STXBP5L: variants seen among roughly 807,000 people sequenced by gnomAD.
The protein encoded by STXBP5L is syntaxin binding protein 5L.
In STXBP5L, 65 loss-of-function variants were observed where a neutral mutation model predicts 144.5. The ratio of observed to expected loss-of-function variants is 0.45; its 90% CI spans 0.37 to 0.55. STXBP5L has a LOEUF of 0.55. Ranked by LOEUF, STXBP5L falls within the 20% of genes least tolerant of loss-of-function variation. The pLI, the probability that STXBP5L is intolerant of heterozygous loss-of-function variation, is 0.00. For synonymous variants in STXBP5L, 505 were observed against 469.6 expected (o/e 1.08, Z -0.97); for missense variants, 1,298 against 1,405.5 (o/e 0.92, Z 1.22).
intron 9 of STXBP5L, among the ~76,000 whole-genome samples, chr3:121,176,024 A>G (rs1559826242): frequency 6.6e-6 from 1 of 152,110 alleles, no homozygotes. Flanking sequence ...TAATAATGCT[A>G]ACTGTGTATG....
rs573206530 is a variant in STXBP5L, at chr3:121,196,060, AT to A, written c.878-9853del. The stretch of plus-strand genomic sequence containing the variant: ...TTTGTGGTTTCATGTGAATTTTAGG[AT>A]TTTTTTTTTCTATTTCTGTAGAGTA... On this transcript the variant is annotated intron_variant, in intron 9 of 26. Transcript: ENST00000471454. Among the ~76,000 whole-genome samples, 251 of 144,652 alleles carry A rather than the reference AT, an allele frequency of 1.7e-3. 3 individuals carry two copies. The highest frequency in any genetic ancestry group is 5.6e-3 in the African/African-American group (220 of 39,270). The allele number at this position is 144,652 out of a possible 152,430, so 94.9% of individuals were successfully genotyped here. A position where few individuals can be genotyped will look rare whatever the true frequency, so the allele number is the denominator to read the frequency against.
rs185108323 is a variant in STXBP5L, at chr3:121,078,787, G to A, written c.470+33252G>A. Among the ~76,000 whole-genome samples the A allele has an allele frequency of 4.7e-3, 718 of 152,388 alleles. 2 individuals carry two copies. Among genetic ancestry groups the A allele is most frequent in the Non-Finnish European group, 5.8e-3 (394 of 68,038 alleles). On this transcript the variant is annotated intron_variant, in intron 5 of 26. Coordinates refer to ENST00000471454, the MANE Select transcript of STXBP5L (RefSeq NM_001308330.2). ...GGGACCCAGTACACCCTCCGCAGCC[G>A]CTGGCCCAGGTGCTAAGCCCTTCAT...
At position 121,169,359 on chromosome 3, in the gene STXBP5L, C is replaced by T. The variant is rs1280705167; in HGVS notation, c.877+11732C>T. On this transcript the variant is annotated intron_variant, in intron 9 of 26. Transcript: ENST00000471454. ...TAACAATATTAACCTTACATATAAA[C>T]GGGCTAAATGCCCCAATTAAAAGAC... Among the ~76,000 whole-genome samples the T allele has an allele frequency of 9.9e-5, 15 of 152,128 alleles. No homozygotes were observed. In the East Asian group the frequency reaches 1.2e-3, roughly 12 times the overall value.
At chr3:121,144,415 C>T (rs1577057223) in intron 7 of STXBP5L, among the ~76,000 whole-genome samples, 1 of 151,766 alleles carries the variant, frequency 6.6e-6, no homozygotes, top group Admixed American at 6.6e-5. Context: ...AAACGCAAAT[C>T]AAAACCAAGA....
intron 9 of STXBP5L, among the ~76,000 whole-genome samples, chr3:121,184,224 C>A (rs527674125): frequency 6.6e-6 from 1 of 151,812 alleles, no homozygotes; most frequent in African/African-American, 2.4e-5. Context: ...TTTGATGAAC[C>A]GACAGAAGTA....
At chr3:121,131,214 A>T (rs562573538) in intron 7 of STXBP5L, among the ~76,000 whole-genome samples, 15 of 152,278 alleles carry the variant, frequency 9.9e-5, no homozygotes, top group African/African-American at 2.9e-4. Context: ...ATCATACTAA[A>T]ACTAAGGACA....
At chr3:121,026,387 C>G (rs912234475) in intron 3 of STXBP5L, among the ~76,000 whole-genome samples, 2 of 152,094 alleles carry the variant, frequency 1.3e-5, no homozygotes, top group African/African-American at 4.8e-5. Context: ...CACTCTTTAT[C>G]ACATATTCCT....
intron 20 of STXBP5L, among the ~76,000 whole-genome samples, chr3:121,373,165 G>T (rs547290607): frequency 2.0e-5 from 3 of 152,330 alleles, no homozygotes; most frequent in Admixed American, 1.3e-4. Context: ...ACCCTTTGAG[G>T]CATGGAAGTT....
chr3:121,066,483 T>G (rs191108838), intron 5 of STXBP5L, among the ~76,000 whole-genome samples: 10 of 152,088 alleles, frequency 6.6e-5, no homozygotes, highest in African/African-American at 2.2e-4. Flanking sequence ...ATTTTTCCCT[T>G]TTTAAATGTG....
chr3:121,068,773 C>T (rs933799245), intron 5 of STXBP5L, among the ~76,000 whole-genome samples: 1 of 151,814 alleles, frequency 6.6e-6, no homozygotes, highest in Non-Finnish European at 1.5e-5. Flanking sequence ...TTCTTTTTAT[C>T]CTCATTCCTT....
intron 3 of STXBP5L, among the ~76,000 whole-genome samples, chr3:121,030,736 C>G (rs918457804): frequency 1.3e-5 from 2 of 152,084 alleles, no homozygotes; most frequent in African/African-American, 4.8e-5. Flanking sequence ...ATCAGAAATT[C>G]TCAGTGTAGG....
intron 5 of STXBP5L, among the ~76,000 whole-genome samples, chr3:121,083,983 A>G (rs2042372348): frequency 6.6e-6 from 1 of 152,052 alleles, no homozygotes; most frequent in African/African-American, 2.4e-5. Flanking sequence ...TCTCCTAAAA[A>G]AATCTCCTAC....
intron 19 of STXBP5L, among the ~76,000 whole-genome samples, chr3:121,300,836 GA>G (rs2051867633): frequency 6.6e-6 from 1 of 151,968 alleles, no homozygotes; most frequent in Admixed American, 6.6e-5. Context: ...TCCAAAAAAA[GA>G]AAAAGAGCTT....
rs547086099 is a variant in STXBP5L, at chr3:120,988,719, G to T, written c.287+33682G>T. 2.0e-5 allele frequency among the ~76,000 whole-genome samples: 3 copies of T among 152,122 alleles called. No homozygotes were observed. The South Asian group carries it at 6.2e-4, about 32-fold the overall frequency. Reference sequence around the variant, plus strand: ...GTACAAGTGCAGTTTTGTTACATGAGCATATTATGTAGTGGTTTGCCTAGG... The same window carrying T: ...GTACAAGTGCAGTTTTGTTACATGATCATATTATGTAGTGGTTTGCCTAGG... On this transcript the variant is annotated intron_variant, in intron 3 of 26. Transcript: ENST00000471454.
At chr3:121,191,661 G>A (rs760619593) in intron 9 of STXBP5L, among the ~76,000 whole-genome samples, 5 of 152,168 alleles carry the variant, frequency 3.3e-5, no homozygotes, top group East Asian at 1.9e-4. Context: ...CTATCCGTGA[G>A]CATGGAATGT....
chr3:120,991,326 AAAC>A (rs1189909696), intron 3 of STXBP5L, among the ~76,000 whole-genome samples: 6 of 151,582 alleles, frequency 4.0e-5, no homozygotes, highest in Non-Finnish European at 8.9e-5. Flanking sequence ...AAAAGTCAGG[AAAC>A]AACAGGTGCT....
chr3:121,004,927 T>G (rs991533232), intron 3 of STXBP5L, among the ~76,000 whole-genome samples: 1 of 152,216 alleles, frequency 6.6e-6, no homozygotes, highest in Non-Finnish European at 1.5e-5. Flanking sequence ...GATAAGCTTT[T>G]TGATGTGCTC....
chr3:121,368,265 T>C (rs1445388946), intron 20 of STXBP5L, among the ~76,000 whole-genome samples: 1 of 152,180 alleles, frequency 6.6e-6, no homozygotes, highest in Non-Finnish European at 1.5e-5. Flanking sequence ...CTTTGAATTC[T>C]TCTAGTGAAT....
At position 120,954,973 on chromosome 3, in the gene STXBP5L, G is replaced by A. The variant is rs774756787; in HGVS notation, c.223G>A (p.Ala75Thr). The A allele has an allele frequency of 8.3e-5, 134 of 1,612,524 alleles. No homozygotes were observed. The highest frequency in any genetic ancestry group is 1.0e-4 in the Non-Finnish European group (121 of 1,179,174). Residue 75 changes from alanine (A) to threonine (T), a missense_variant, in exon 3 of 27, where the codon GCA (alanine) becomes ACA (threonine). Coordinates refer to ENST00000471454, the MANE Select transcript of STXBP5L (RefSeq NM_001308330.2). ...VRHGFPHQPT[A>T]LAFDPVQKIL... Reference sequence around the variant, plus strand: ...GCATGGTTTTCCTCATCAGCCCACAGCATTAGCCTTTGATCCAGTTCAGAA... The same window carrying A: ...GCATGGTTTTCCTCATCAGCCCACAACATTAGCCTTTGATCCAGTTCAGAA...
Sources: gnomAD v4.1 joint callset for allele counts (sites outside exome capture counted in the v4.1 genomes callset) on GRCh38, gnomAD v4.1.1 for gene constraint, MANE v1.5 for transcripts, NCBI Gene and HGNC (gene_info 2026-07-23, HGNC 2026-07-21) for gene names.